ST6GALNAC3: variants seen among roughly 807,000 people sequenced by gnomAD.
The protein encoded by ST6GALNAC3 is alpha-N-acetylgalactosaminide alpha-2,6-sialyltransferase 3.
In ST6GALNAC3, 25 loss-of-function variants were observed where a neutral mutation model predicts 32.7. The ratio of observed to expected loss-of-function variants is 0.76; its 90% CI spans 0.56 to 1.07. The LOEUF is 1.07. Ranked by LOEUF, ST6GALNAC3 falls within the 50% of genes least tolerant of loss-of-function variation. The pLI, the probability that ST6GALNAC3 is intolerant of heterozygous loss-of-function variation, is 0.00. For synonymous variants in ST6GALNAC3, 129 were observed against 133.1 expected (o/e 0.97, Z 0.21); for missense variants, 355 against 382.4 (o/e 0.93, Z 0.60).
intron 3 of ST6GALNAC3, among the ~76,000 whole-genome samples, chr1:76,609,509 G>A (rs1647780119): frequency 6.6e-6 from 1 of 151,984 alleles, no homozygotes; most frequent in African/African-American, 2.4e-5. Flanking sequence ...ATGATAAGTT[G>A]TTTCTTCTTT....
At chr1:76,620,651 ATC>A (rs1431578511) in intron 3 of ST6GALNAC3, among the ~76,000 whole-genome samples, 3 of 152,036 alleles carry the variant, frequency 2.0e-5, no homozygotes, top group Non-Finnish European at 4.4e-5. Context: ...CCGTAATCTC[ATC>A]ATATGACAAC....
chr1:76,260,910 GA>G (rs2100727714), intron 1 of ST6GALNAC3, among the ~76,000 whole-genome samples: 1 of 150,596 alleles, frequency 6.6e-6, no homozygotes, highest in South Asian at 2.1e-4. Context: ...TTAAAAAATA[GA>G]AAAAAGTCTA....
intron 2 of ST6GALNAC3, among the ~76,000 whole-genome samples, chr1:76,320,985 T>TTATATATATATA (rs147021451): frequency 6.9e-6 from 1 of 144,992 alleles, no homozygotes; most frequent in African/African-American, 2.6e-5. Flanking sequence ...CACACACACA[T>TTATATATATATA]TATATATATA....
At chr1:76,400,028 A>G (rs1653283385) in intron 2 of ST6GALNAC3, among the ~76,000 whole-genome samples, 1 of 151,930 alleles carries the variant, frequency 6.6e-6, no homozygotes. Flanking sequence ...AACTTTTTTT[A>G]TTTTTTCATG....
At chr1:76,139,363 AACATATAC>A (rs1287966883) in intron 1 of ST6GALNAC3, among the ~76,000 whole-genome samples, 7 of 152,310 alleles carry the variant, frequency 4.6e-5, no homozygotes, top group Admixed American at 3.9e-4. Flanking sequence ...TATACATATA[AACATATAC>A]ACATATAAAC....
At chr1:76,519,166 T>C (rs1217217207) in intron 3 of ST6GALNAC3, among the ~76,000 whole-genome samples, 3 of 150,328 alleles carry the variant, frequency 2.0e-5, no homozygotes, top group Non-Finnish European at 4.5e-5. Context: ...TTTTTTTAGA[T>C]TTTTTTTTGT....
In ST6GALNAC3 at chr1:76,577,210, C is replaced by T; in HGVS notation, c.624-50242C>T. On this transcript the variant is annotated intron_variant, in intron 3 of 4. Coordinates refer to ENST00000328299, the MANE Select transcript of ST6GALNAC3 (RefSeq NM_152996.4). ...TTTATTAAATCTTATCAAAGCAAAA[C>T]TTGTTCTTCCCATTTCTCTGTTTTG... The T allele has an allele frequency of 3.0e-6, 3 of 1,010,420 alleles. No individual in the cohort carries two copies. The South Asian group carries it at 1.2e-4, about 41-fold the overall frequency. The allele number at this position is 1,010,420 out of a possible 1,614,324, so 62.6% of individuals were successfully genotyped here.
intron 1 of ST6GALNAC3, among the ~76,000 whole-genome samples, chr1:76,165,012 AG>A (rs1288042287): frequency 1.3e-5 from 2 of 152,074 alleles, no homozygotes; most frequent in Non-Finnish European, 2.9e-5. Context: ...ACTTGTCTCA[AG>A]GGGGTTTGTT....
intron 1 of ST6GALNAC3, among the ~76,000 whole-genome samples, chr1:76,202,240 G>C (rs66662371): frequency 0.084 from 12,679 of 151,206 alleles, 585 homozygotes; most frequent in African/African-American, 0.12. Context: ...TCTTTAAAGA[G>C]GTGTGGGTGG....
chr1:76,346,983 A>T (rs1209269524), intron 2 of ST6GALNAC3, among the ~76,000 whole-genome samples: 1 of 152,186 alleles, frequency 6.6e-6, no homozygotes, highest in Non-Finnish European at 1.5e-5. Flanking sequence ...TTTTCTGTTA[A>T]GAATGAACAT....
At chr1:76,250,751 G>A (rs1040367360) in intron 1 of ST6GALNAC3, among the ~76,000 whole-genome samples, 1 of 152,074 alleles carries the variant, frequency 6.6e-6, no homozygotes, top group Non-Finnish European at 1.5e-5. Context: ...GTCTGTCGTG[G>A]TGCCTGCCCT....
intron 3 of ST6GALNAC3, among the ~76,000 whole-genome samples, chr1:76,415,276 T>G (rs1475998209): frequency 6.6e-6 from 1 of 151,260 alleles, no homozygotes; most frequent in Non-Finnish European, 1.5e-5. Flanking sequence ...CATTAATGAT[T>G]ATTTGCTAGA....
At chr1:76,605,277 A>T (rs140320933) in intron 3 of ST6GALNAC3, among the ~76,000 whole-genome samples, 1 of 152,242 alleles carries the variant, frequency 6.6e-6, no homozygotes, top group East Asian at 1.9e-4. Flanking sequence ...ATGAAGAGGG[A>T]CAGAGACAGC....
chr1:76,491,287 A>G (rs571156143), intron 3 of ST6GALNAC3, among the ~76,000 whole-genome samples: 15 of 152,254 alleles, frequency 9.9e-5, no homozygotes, highest in Admixed American at 6.5e-4. Flanking sequence ...AGCTGGCCTC[A>G]TATTTTCTGG....
At chr1:76,512,874 G>A (rs1249802550) in intron 3 of ST6GALNAC3, among the ~76,000 whole-genome samples, 1 of 152,010 alleles carries the variant, frequency 6.6e-6, no homozygotes, top group Non-Finnish European at 1.5e-5. Flanking sequence ...TCGCATTGTG[G>A]TTTTGATTTG....
At chr1:76,456,432 C>T (rs564867383) in intron 3 of ST6GALNAC3, among the ~76,000 whole-genome samples, 27 of 151,956 alleles carry the variant, frequency 1.8e-4, no homozygotes, top group Non-Finnish European at 3.1e-4. Flanking sequence ...TTGTGGCCTC[C>T]GCCTCCTGGG....
At chr1:76,471,112 G>T (rs924600108) in intron 3 of ST6GALNAC3, among the ~76,000 whole-genome samples, 3 of 151,928 alleles carry the variant, frequency 2.0e-5, no homozygotes. Context: ...TTAACTCCTT[G>T]GTTAACTTTC....
chr1:76,388,548 A>AC (rs1652275095), intron 2 of ST6GALNAC3, among the ~76,000 whole-genome samples: 2 of 152,178 alleles, frequency 1.3e-5, no homozygotes, highest in Non-Finnish European at 2.9e-5. Context: ...AGCCAGAGGT[A>AC]TAGTTGTTAC....
chr1:76,131,050 G>A (rs1156615224), intron 1 of ST6GALNAC3, among the ~76,000 whole-genome samples: 1 of 152,232 alleles, frequency 6.6e-6, no homozygotes, highest in African/African-American at 2.4e-5. Flanking sequence ...CCCAGATGGG[G>A]TATGTGTTGT....
Sources: allele counts gnomAD v4.1 joint callset (sites outside exome capture counted in the v4.1 genomes callset), GRCh38; gene constraint gnomAD v4.1.1; transcripts MANE v1.5; gene names NCBI Gene and HGNC (gene_info 2026-07-23, HGNC 2026-07-21).